Variants in PLEKHG3 observed in about 807,000 individuals in gnomAD.
The protein encoded by PLEKHG3 is pleckstrin homology and RhoGEF domain containing G3, also known as pleckstrin homology domain-containing family G member 3.
PLEKHG3 carries 62 observed loss-of-function variants against 94.9 expected under a neutral mutation model. That is an observed-to-expected ratio of 0.65 (90% confidence interval 0.53 to 0.81). The LOEUF (loss-of-function observed/expected upper bound fraction) is 0.81, where lower values mean the gene tolerates loss of function less well. Among genes scored for constraint, PLEKHG3 ranks in the 30% least tolerant of loss-of-function variants. The pLI is 0.00. For synonymous variants in PLEKHG3, 614 were observed against 654.0 expected (o/e 0.94, Z 0.93); for missense variants, 1,461 against 1,619.3 (o/e 0.90, Z 1.68).
Position 64,716,634 on chromosome 14 carries a change from C to T in PLEKHG3, c.-39-10959C>T, listed in dbSNP as rs1014230235. 6.6e-6 allele frequency among the ~76,000 whole-genome samples: 1 copy of T among 151,866 alleles called. No individual in the cohort carries two copies. Among genetic ancestry groups the T allele is most frequent in the South Asian group, 2.1e-4 (1 of 4,822 alleles). On this transcript the variant is annotated intron_variant, in intron 1 of 16. Coordinates refer to ENST00000247226, the MANE Select transcript of PLEKHG3 (RefSeq NM_001308147.2). This position sits in a 1 kb window ranked among gnomAD's most constrained non-coding sequence, Gnocchi z 5.0. ...GGTGGTTGTTTTGGATCAAACCAAG[C>T]GTCAGCTGGTAGAGCAGTTGAAAGG...
At position 64,750,053 on chromosome 14, in the gene PLEKHG3, G is replaced by C; in HGVS notation, c.*6350G>C. 1 of 1,614,152 alleles carries C rather than the reference G, an allele frequency of 6.2e-7. No individual in the cohort carries two copies. The highest frequency in any genetic ancestry group is 1.1e-5 in the South Asian group (1 of 91,088). Reference sequence around the variant, plus strand: ...ACAGATGGCATGTCTCAGGGCCAGGGGTTCCTCCCCATGGTAGGGCATCCC... The same window carrying C: ...ACAGATGGCATGTCTCAGGGCCAGGCGTTCCTCCCCATGGTAGGGCATCCC... On this transcript the variant is annotated 3_prime_UTR_variant, in exon 17 of 17. Transcript: ENST00000247226.
In PLEKHG3 at chr14:64,728,506, A is replaced by G. The variant is rs1450577174; in HGVS notation, c.352-490A>G. ...ACACACTGGGTGGCTTAAAACAGCAAATGTGTTCTCACTCAGTTCAGGAGG... is the reference window on the plus strand; with the variant it reads ...ACACACTGGGTGGCTTAAAACAGCAGATGTGTTCTCACTCAGTTCAGGAGG... On this transcript the variant is annotated intron_variant, in intron 2 of 16. Transcript: ENST00000247226. This position sits in a 1 kb window ranked among gnomAD's most constrained non-coding sequence, Gnocchi z 5.9. Among the ~76,000 whole-genome samples the G allele has an allele frequency of 6.6e-6, 1 of 152,172 alleles. No homozygotes were observed. The highest frequency in any genetic ancestry group is 1.5e-5 in the Non-Finnish European group (1 of 68,002).
rs2081259370 is a variant in PLEKHG3, at chr14:64,721,375, C to T, written c.-39-6218C>T. On this transcript the variant is annotated intron_variant, in intron 1 of 16. Transcript: ENST00000247226. This position sits in a 1 kb window ranked among gnomAD's most constrained non-coding sequence, Gnocchi z 4.3. The stretch of plus-strand genomic sequence containing the variant: ...TCCAAGGTCAGGCCGAGGGAACTTT[C>T]TGGACTTCAGTTGCAGGCCCAGGCT... Among the ~76,000 whole-genome samples, 1 of 152,288 alleles carries T rather than the reference C, an allele frequency of 6.6e-6. No homozygotes were observed. The highest frequency in any genetic ancestry group is 3.4e-3 in the Middle Eastern group (1 of 294).
chr14:64,724,684 T>C (rs1198573103), intron 1 of PLEKHG3, among the ~76,000 whole-genome samples: 1 of 152,216 alleles, frequency 6.6e-6, no homozygotes, highest in Non-Finnish European at 1.5e-5. Context: ...CTTCAGGTCT[T>C]CATATGTCCC....
intron 1 of PLEKHG3, among the ~76,000 whole-genome samples, chr14:64,711,282 G>A (rs2081062600): frequency 6.6e-6 from 1 of 152,206 alleles, no homozygotes; most frequent in African/African-American, 2.4e-5. Flanking sequence ...TCTCTACAGA[G>A]GTTCCAGCTG....
chr14:64,737,310 C>T (rs1158146932), intron 13 of PLEKHG3, 46 bp from the exon 14 acceptor site: 3 of 1,542,946 alleles, frequency 1.9e-6, no homozygotes, highest in African/African-American at 2.7e-5. Flanking sequence ...CTCCCCTCCC[C>T]TGCCCCTCGC....
chr14:64,730,857 G>A lies in PLEKHG3; in HGVS notation c.625G>A (p.Asp209Asn). 1 of 1,613,282 alleles carries A rather than the reference G, an allele frequency of 6.2e-7. No individual in the cohort carries two copies. Among genetic ancestry groups the A allele is most frequent in the Non-Finnish European group, 8.5e-7 (1 of 1,179,992 alleles). Residue 209 changes from aspartate to asparagine, a missense_variant, in exon 6 of 17, where the codon GAC becomes AAC. By Grantham distance (23) the Asp-to-Asn change is conservative (BLOSUM62 1). Coordinates refer to ENST00000247226, the MANE Select transcript of PLEKHG3 (RefSeq NM_001308147.2). This position sits in a 1 kb window ranked among gnomAD's most constrained non-coding sequence, Gnocchi z 5.4. ...CAAGCAGCAGGCCAAGTTCTTTCGGGACCGGCAGGAGCTGCTACAGCACTC... is the reference window on the plus strand; with the variant it reads ...CAAGCAGCAGGCCAAGTTCTTTCGGAACCGGCAGGAGCTGCTACAGCACTC... The part of the protein sequence containing the change: ...RDKQQAKFFR[D>N]RQELLQHSLP...
chr14:64,736,540 C>G (rs951383372), intron 12 of PLEKHG3, among the ~76,000 whole-genome samples: 1 of 152,188 alleles, frequency 6.6e-6, no homozygotes, highest in Non-Finnish European at 1.5e-5. Context: ...AACTGAGTCC[C>G]CTCCCTATGG....
At position 64,741,801 on chromosome 14, in the gene PLEKHG3, C is replaced by A; in HGVS notation, c.2284C>A (p.Arg762=). Residue 762 remains arginine (R), a synonymous_variant, in exon 16 of 17, where the codon CGG becomes AGG. Transcript: ENST00000247226. ...NSISRFNSLP[R]PDPEPVPPVG... is the part of the protein sequence containing the mutation. ...CATCTCCAGGTTCAACAGCCTTCCC[C>A]GGCCAGACCCAGAGCCAGTACCTCC... 1.2e-6 allele frequency: 2 copies of A among 1,613,562 alleles called. No individual in the cohort carries two copies. The highest frequency in any genetic ancestry group is 8.5e-7 in the Non-Finnish European group (1 of 1,180,038).
At position 64,741,469 on chromosome 14, in the gene PLEKHG3, TG is replaced by T. The variant is rs759421305; in HGVS notation, c.1954del (p.Ala652ProfsTer66). 6.2e-7 allele frequency: 1 copy of T among 1,612,762 alleles called. No homozygotes were observed. The highest frequency in any genetic ancestry group is 8.5e-7 in the Non-Finnish European group (1 of 1,180,002). On this transcript the variant is annotated frameshift_variant, in exon 16 of 17. Transcript: ENST00000247226. LOFTEE classifies it high-confidence loss of function. Reference protein sequence around the residue: ...VLSLEGSEKGLARHGSATDSL... With the variant: ...VLSLEGSEKGXARHGSATDSL... ...AGCCTGGAGGGCAGCGAGAAGGGCC[TG>T]GCCCGGCATGGCAGTGCCACAGACT...
intron 1 of PLEKHG3, among the ~76,000 whole-genome samples, chr14:64,714,974 A>C (rs975498672): frequency 2.0e-5 from 3 of 152,150 alleles, no homozygotes; most frequent in Non-Finnish European, 2.9e-5. Context: ...GAGGCAATAG[A>C]ACACTCAGAG....
rs762797502 is a variant in PLEKHG3, at chr14:64,727,870, G to A, written c.239G>A (p.Ser80Asn). 1.2e-6 allele frequency: 2 copies of A among 1,613,360 alleles called. No homozygotes were observed. The highest frequency in any genetic ancestry group is 1.7e-5 in the Admixed American group (1 of 60,012). ...NVKGPLSPFNSRAAAGPAHHK... is the reference protein window; with the variant it reads ...NVKGPLSPFNNRAAAGPAHHK... Reference sequence around the variant, plus strand: ...AAGGGGCCCCTCTCCCCGTTCAACAGCCGGGCAGCGGCAGGGCCTGCACAC... The same window carrying A: ...AAGGGGCCCCTCTCCCCGTTCAACAACCGGGCAGCGGCAGGGCCTGCACAC... Residue 80 changes from serine (S) to asparagine (N), a missense_variant, in exon 2 of 17, where the codon AGC (serine) becomes AAC (asparagine). Around this residue, in one of 3 missense-constraint regions of PLEKHG3, gnomAD observed 253 missense variants for 297.8 expected, o/e 0.85. Coordinates refer to ENST00000247226, the MANE Select transcript of PLEKHG3 (RefSeq NM_001308147.2). The surrounding 1 kb of genome is among the most constrained non-coding windows in gnomAD (Gnocchi z 6.0).
In PLEKHG3 at chr14:64,716,513, AC is replaced by A. The variant is rs1179493454; in HGVS notation, c.-39-11079del. 4.5e-5 allele frequency among the ~76,000 whole-genome samples: 6 copies of A among 134,210 alleles called. No individual in the cohort carries two copies. Among genetic ancestry groups the A allele is most frequent in the African/African-American group, 1.7e-4 (6 of 34,620 alleles). 88.0% of individuals were successfully genotyped at this position (134,210 alleles called of 152,430 possible). On this transcript the variant is annotated intron_variant, in intron 1 of 16. Transcript: ENST00000247226. The surrounding 1 kb of genome is among the most constrained non-coding windows in gnomAD (Gnocchi z 5.0). Reference sequence around the variant, plus strand: ...ACACACACAACACACACACACACACACACACACACACACACACACACACACA... The same window carrying A: ...ACACACACAACACACACACACACACAACACACACACACACACACACACACA...
intron 13 of PLEKHG3, 100 bp downstream of exon 13, chr14:64,736,991 T>C: frequency 2.2e-6 from 2 of 900,246 alleles, no homozygotes; most frequent in South Asian, 2.7e-5. Context: ...GGGTGGAGGA[T>C]TGTCAGAATA....
rs1371616741 is a variant in PLEKHG3 at position 64,730,879 on chromosome 14, A to G, written c.647A>G (p.His216Arg). The G allele has an allele frequency of 6.2e-7, 1 of 1,612,984 alleles. No homozygotes were observed. The highest frequency in any genetic ancestry group is 1.1e-5 in the South Asian group (1 of 91,080). The change falls in exon 6 of 17, where the codon CAC (histidine) becomes CGC (arginine). Residue 216 changes from histidine (H) to arginine (R), a missense_variant. Around this residue, in one of 3 missense-constraint regions of PLEKHG3, gnomAD observed 253 missense variants for 297.8 expected, o/e 0.85. Transcript: ENST00000247226. The surrounding 1 kb of genome is among the most constrained non-coding windows in gnomAD (Gnocchi z 5.4). ...FFRDRQELLQ[H>R]SLPLGSYLLK... ...CGGGACCGGCAGGAGCTGCTACAGC[A>G]CTCGCTGCCCTTGGGCTCCTACCTG...
rs1293226807 is a variant in PLEKHG3 at position 64,718,008 on chromosome 14, C to T, written c.-39-9585C>T. 1.3e-5 allele frequency among the ~76,000 whole-genome samples: 2 copies of T among 152,182 alleles called. No individual in the cohort carries two copies. The highest frequency in any genetic ancestry group is 2.4e-5 in the African/African-American group (1 of 41,438). On this transcript the variant is annotated intron_variant, in intron 1 of 16. Coordinates refer to ENST00000247226, the MANE Select transcript of PLEKHG3 (RefSeq NM_001308147.2). This position sits in a 1 kb window ranked among gnomAD's most constrained non-coding sequence, Gnocchi z 5.0. ...GCCTGGCCTCTTGTTGCCAGTTGCCCGGGGCGTGGGGGTGGTCTGGGTCCT... is the reference window on the plus strand; with the variant it reads ...GCCTGGCCTCTTGTTGCCAGTTGCCTGGGGCGTGGGGGTGGTCTGGGTCCT...
rs2081307427 is a variant in PLEKHG3, at chr14:64,723,913, C to G, written c.-39-3680C>G. On this transcript the variant is annotated intron_variant, in intron 1 of 16. Coordinates refer to ENST00000247226, the MANE Select transcript of PLEKHG3 (RefSeq NM_001308147.2). The surrounding 1 kb of genome is among the most constrained non-coding windows in gnomAD (Gnocchi z 4.5). ...GGGCATACTTAAGAGAACTGGAGAC[C>G]CGTATGTGGTAGGATGGGGTAGGCG... 6.6e-6 allele frequency: 1 copy of G among 152,140 alleles called. No homozygotes were observed. Among genetic ancestry groups the G allele is most frequent in the Non-Finnish European group, 1.5e-5 (1 of 68,060 alleles). The allele number at this position is 152,140 out of a possible 1,614,324, so 9.4% of individuals were successfully genotyped here.
At chr14:64,737,838 G>A (rs561907374) in intron 14 of PLEKHG3, 48 of 1,150,616 alleles carry the variant, frequency 4.2e-5, no homozygotes, top group South Asian at 3.1e-4. Flanking sequence ...GGCTGGTCAC[G>A]AGGGGGTCTT....
chr14:64,749,195 G>T lies in PLEKHG3; in HGVS notation c.*5492G>T. The T allele has an allele frequency of 7.4e-7, 1 of 1,357,372 alleles. No homozygotes were observed. Among genetic ancestry groups the T allele is most frequent in the Non-Finnish European group, 1.0e-6 (1 of 998,154 alleles). The allele number at this position is 1,357,372 out of a possible 1,614,324, so 84.1% of individuals were successfully genotyped here. A position where few individuals can be genotyped will look rare whatever the true frequency, so the allele number is the denominator to read the frequency against. Reference sequence around the variant, plus strand: ...AGCGTGGGGCCCGGGGGCCCGGCCCGCGACTCGACTCATCTCGATTCGACC... The same window carrying T: ...AGCGTGGGGCCCGGGGGCCCGGCCCTCGACTCGACTCATCTCGATTCGACC... On this transcript the variant is annotated 3_prime_UTR_variant, in exon 17 of 17. Transcript: ENST00000247226. The surrounding 1 kb of genome is among the most constrained non-coding windows in gnomAD (Gnocchi z 4.7).
Sources: allele counts gnomAD v4.1 joint callset (sites outside exome capture counted in the v4.1 genomes callset), GRCh38; gene constraint gnomAD v4.1.1; regional missense constraint gnomAD v4.1.1; non-coding constraint Gnocchi (gnomAD v3.1); transcripts MANE v1.5; gene names NCBI Gene and HGNC (gene_info 2026-07-23, HGNC 2026-07-21).